Variants in CPNE4 observed in about 807,000 individuals in gnomAD.
CPNE4 encodes the protein copine-4.
CPNE4 carries 25 observed loss-of-function variants against 67.9 expected under a neutral mutation model. That is an observed-to-expected ratio of 0.37 (90% CI 0.27 to 0.51). CPNE4 has a LOEUF of 0.51. Among genes scored for constraint, CPNE4 ranks in the 20% least tolerant of loss-of-function variants. CPNE4 has a pLI of 0.93. For synonymous variants in CPNE4, 242 were observed against 244.9 expected (o/e 0.99, Z 0.11); for missense variants, 464 against 690.8 (o/e 0.67, Z 3.68).
intron 1 of CPNE4, among the ~76,000 whole-genome samples, chr3:131,970,745 A>T (rs1305507515): frequency 6.6e-6 from 1 of 152,126 alleles, no homozygotes; most frequent in Non-Finnish European, 1.5e-5. Flanking sequence ...ATCACTTATC[A>T]TAGAAATGGA....
At chr3:131,773,009 A>G (rs1179032868) in intron 2 of CPNE4, among the ~76,000 whole-genome samples, 1 of 152,176 alleles carries the variant, frequency 6.6e-6, no homozygotes, top group African/African-American at 2.4e-5. Context: ...CTGAACTAAC[A>G]CTTGGGTAGA....
intron 1 of CPNE4, among the ~76,000 whole-genome samples, chr3:132,007,504 G>A (rs1041280515): frequency 2.0e-5 from 3 of 152,150 alleles, no homozygotes; most frequent in Non-Finnish European, 2.9e-5. Flanking sequence ...AATGAGACGT[G>A]TGTGTGAAAT....
chr3:131,902,210 G>A (rs2088580473), intron 2 of CPNE4, among the ~76,000 whole-genome samples: 1 of 151,990 alleles, frequency 6.6e-6, no homozygotes, highest in Non-Finnish European at 1.5e-5. Context: ...GATATTAATG[G>A]TTATAGAGTG....
At chr3:131,826,505 C>A (rs780229296) in intron 2 of CPNE4, among the ~76,000 whole-genome samples, 12 of 152,168 alleles carry the variant, frequency 7.9e-5, no homozygotes, top group Admixed American at 7.9e-4. Context: ...ACCAGGATGT[C>A]TTTTTCTTAG....
At chr3:131,634,939 T>G (rs73001241) in intron 7 of CPNE4, among the ~76,000 whole-genome samples, 2,138 of 152,288 alleles carry the variant, frequency 0.014, 54 homozygotes, top group African/African-American at 0.049. Flanking sequence ...GGTACTCAGA[T>G]GCAGTCACAT....
intron 6 of CPNE4, among the ~76,000 whole-genome samples, chr3:131,674,376 G>C (rs1371008913): frequency 6.6e-6 from 1 of 151,810 alleles, no homozygotes; most frequent in Non-Finnish European, 1.5e-5. Context: ...AATAGTTCAG[G>C]TAGGATTGGT....
intron 2 of CPNE4, among the ~76,000 whole-genome samples, chr3:131,828,764 T>C (rs1487977303): frequency 1.3e-5 from 2 of 152,166 alleles, no homozygotes; most frequent in Non-Finnish European, 2.9e-5. Flanking sequence ...GCCCAGGAAT[T>C]TGAGGCTGCA....
At chr3:131,606,818 G>A (rs1168349438) in intron 7 of CPNE4, among the ~76,000 whole-genome samples, 1 of 152,068 alleles carries the variant, frequency 6.6e-6, no homozygotes, top group South Asian at 2.1e-4. Context: ...CCAAGTTTAA[G>A]ATAATACAAT....
At chr3:131,817,780 G>T (rs1381718457) in intron 2 of CPNE4, among the ~76,000 whole-genome samples, 5 of 152,198 alleles carry the variant, frequency 3.3e-5, no homozygotes, top group African/African-American at 7.2e-5. Flanking sequence ...ACAGAGAGAC[G>T]TATTCTCTTG....
At chr3:131,792,732 C>G (rs1027685487) in intron 2 of CPNE4, among the ~76,000 whole-genome samples, 1 of 78,884 alleles carries the variant, frequency 1.3e-5, no homozygotes, top group African/African-American at 3.9e-5. Flanking sequence ...TATATATACA[C>G]GTGTGTATAT....
At chr3:131,958,720 G>A (rs2072064816) in intron 1 of CPNE4, among the ~76,000 whole-genome samples, 1 of 145,182 alleles carries the variant, frequency 6.9e-6, no homozygotes. Flanking sequence ...CACCTGTCAG[G>A]CGATCTTGGC....
intron 2 of CPNE4, among the ~76,000 whole-genome samples, chr3:131,865,014 TTTG>T (rs2086872182): frequency 6.6e-5 from 10 of 152,154 alleles, no homozygotes; most frequent in Non-Finnish European, 1.3e-4. Flanking sequence ...TGTTTATTGA[TTTG>T]TGTATGTTGA....
chr3:131,609,381 G>C (rs1939692027), intron 7 of CPNE4, among the ~76,000 whole-genome samples: 1 of 152,156 alleles, frequency 6.6e-6, no homozygotes, highest in South Asian at 2.1e-4. Flanking sequence ...ACACCGTCAA[G>C]GGAATGTGAT....
chr3:131,907,622 T>C (rs2088825180), intron 1 of CPNE4, among the ~76,000 whole-genome samples: 1 of 152,092 alleles, frequency 6.6e-6, no homozygotes, highest in Non-Finnish European at 1.5e-5. Flanking sequence ...TGCACACCAA[T>C]AGCGTTTTAT....
chr3:131,648,491 C>T (rs1013365258), intron 7 of CPNE4, among the ~76,000 whole-genome samples: 1 of 152,316 alleles, frequency 6.6e-6, no homozygotes, highest in Non-Finnish European at 1.5e-5. Context: ...TCCTAAGAAC[C>T]TAGCATGGTG....
At chr3:131,975,227 C>A (rs1340304244) in intron 1 of CPNE4, among the ~76,000 whole-genome samples, 2 of 152,030 alleles carry the variant, frequency 1.3e-5, no homozygotes, top group African/African-American at 2.4e-5. Context: ...CAACACTAAG[C>A]CTGCAAGTTA....
At position 131,659,152 on chromosome 3, in the gene CPNE4, ACAAT is replaced by A. The variant is rs1194727157; in HGVS notation, c.681+10519_681+10522del. The stretch of plus-strand genomic sequence containing the variant: ...ATTAAAAATATTTTAAACTAAATAA[ACAAT>A]CAAGTAAGAGCAACCAGCATAACCA... On this transcript the variant is annotated intron_variant, in intron 7 of 15. Transcript: ENST00000429747. Among the ~76,000 whole-genome samples, 8 of 152,380 alleles carry A rather than the reference ACAAT, an allele frequency of 5.3e-5. No individual in the cohort carries two copies. In the East Asian group the frequency reaches 1.5e-3, roughly 29 times the overall value.
At chr3:131,923,718 A>AAAAAAAAAAAAAAAAAAAAAAAAAAAG in intron 1 of CPNE4, among the ~76,000 whole-genome samples, 1 of 149,320 alleles carries the variant, frequency 6.7e-6, no homozygotes, top group Non-Finnish European at 1.5e-5. Context: ...AAAAAAAAAA[A>AAAAAAAAAAAAAAAAAAAAAAAAAAAG]AAAAAAAAAA....
At chr3:131,868,966 A>C (rs1320240966) in intron 2 of CPNE4, among the ~76,000 whole-genome samples, 1 of 152,206 alleles carries the variant, frequency 6.6e-6, no homozygotes, top group East Asian at 1.9e-4. Flanking sequence ...GGAAATCAGA[A>C]TGCAGTATCA....
Sources: allele counts gnomAD v4.1 joint callset (sites outside exome capture counted in the v4.1 genomes callset), GRCh38; gene constraint gnomAD v4.1.1; transcripts MANE v1.5; gene names NCBI Gene and HGNC (gene_info 2026-07-23, HGNC 2026-07-21).